The following COL28A1 variants were observed in gnomAD, a reference collection of about 807,000 sequenced individuals.
COL28A1 encodes the protein collagen type XXVIII alpha 1 chain, also known as collagen alpha-1(XXVIII) chain.
Under a neutral mutation model 150.2 loss-of-function variants are expected in COL28A1, and 161 were observed. The observed-to-expected ratio is 1.07, with a 90% CI of 0.94 to 1.22. The LOEUF (loss-of-function observed/expected upper bound fraction) is 1.22, where lower values mean the gene tolerates loss of function less well. COL28A1 is among the 50% of genes most tolerant of loss of function. The probability of loss-of-function intolerance (pLI) is 0.00; values close to 1 mark genes in which losing one functional copy is unlikely to be tolerated. For synonymous variants in COL28A1, 552 were observed against 469.7 expected (o/e 1.18, Z -2.26); for missense variants, 1,617 against 1,388.3 (o/e 1.16, Z -2.62).
At chr7:7,397,203 T>C (rs752463215) in intron 27 of COL28A1, among the ~76,000 whole-genome samples, 1 of 152,168 alleles carries the variant, frequency 6.6e-6, no homozygotes, top group African/African-American at 2.4e-5. Context: ...TCTATTTCCT[T>C]AATTTTTTCA....
chr7:7,443,535 T>C (rs1785980838), intron 20 of COL28A1, 50 bp downstream of exon 20: 2 of 1,606,754 alleles, frequency 1.2e-6, no homozygotes, highest in Non-Finnish European at 1.7e-6. Context: ...GGCTCCTCAG[T>C]ATGAGGACCA....
At chr7:7,429,726 A>G (rs748411559) in intron 25 of COL28A1, among the ~76,000 whole-genome samples, 17 of 152,166 alleles carry the variant, frequency 1.1e-4, no homozygotes, top group Non-Finnish European at 2.4e-4. Context: ...CACAATTTCC[A>G]TGGGAAGAGA....
At chr7:7,441,610 GT>G (rs1303748745) in intron 20 of COL28A1, among the ~76,000 whole-genome samples, 1 of 151,896 alleles carries the variant, frequency 6.6e-6, no homozygotes, top group Non-Finnish European at 1.5e-5. Flanking sequence ...GGTTTTTAAA[GT>G]TGAGCAACAG....
the COL28A1 span, among the ~76,000 whole-genome samples, chr7:7,339,464 T>C: frequency 6.6e-6 from 1 of 152,176 alleles, no homozygotes; most frequent in Non-Finnish European, 1.5e-5. Context: ...CTGTTTTGGC[T>C]TTCGTGCTGA....
chr7:7,373,176 A>G lies in COL28A1; in HGVS notation c.2730T>C (p.Arg910=), dbSNP rs1204346683. 3 of 1,613,972 alleles carry G rather than the reference A, an allele frequency of 1.9e-6. No individual in the cohort carries two copies. Among genetic ancestry groups the G allele is most frequent in the Non-Finnish European group, 2.5e-6 (3 of 1,180,028 alleles). The change falls in exon 32 of 35, where the codon CGT becomes CGC. Residue 910 remains arginine (R), a synonymous_variant. Transcript: ENST00000399429. This position sits in a 1 kb window ranked among gnomAD's most constrained non-coding sequence, Gnocchi z 4.1. ...CCACCTCTGTCAGTTTCTCTTTATCACGAGAATCTGTCTGTCCATCAGTGA... is the reference window on the plus strand; with the variant it reads ...CCACCTCTGTCAGTTTCTCTTTATCGCGAGAATCTGTCTGTCCATCAGTGA... The part of the protein sequence containing the change: ...LVITDGQTDS[R]DKEKLTEVVK...
Position 7,358,554 on chromosome 7 carries a change from A to T in COL28A1, c.*79T>A. Reference sequence around the variant, plus strand: ...AAATACTCAGTATACACTCAAATATAGTGCTGTATTTGTATTGGGTGAATA... The same window carrying T: ...AAATACTCAGTATACACTCAAATATTGTGCTGTATTTGTATTGGGTGAATA... On this transcript the variant is annotated 3_prime_UTR_variant, in exon 35 of 35. Transcript: ENST00000399429. 1 of 1,283,594 alleles carries T rather than the reference A, an allele frequency of 7.8e-7. No homozygotes were observed. Among genetic ancestry groups the T allele is most frequent in the East Asian group, 2.3e-5 (1 of 43,260 alleles). The allele number at this position is 1,283,594 out of a possible 1,614,324, so 79.5% of individuals were successfully genotyped here.
chr7:7,345,802 T>G, the COL28A1 span, among the ~76,000 whole-genome samples: 1 of 152,114 alleles, frequency 6.6e-6, no homozygotes, highest in Non-Finnish European at 1.5e-5. Flanking sequence ...TTTAGCAGCT[T>G]GACAATGATG....
intron 11 of COL28A1, among the ~76,000 whole-genome samples, chr7:7,491,970 AG>A (rs1170971242): frequency 2.6e-5 from 4 of 152,170 alleles, no homozygotes; most frequent in Non-Finnish European, 5.9e-5. Context: ...ATTTCCTTCC[AG>A]TTTTTTACAT....
At position 7,374,036 on chromosome 7, in the gene COL28A1, A is replaced by ATATAT. The variant is rs1281053510; in HGVS notation, c.2360-491_2360-490insATATA. Among the ~76,000 whole-genome samples the ATATAT allele has an allele frequency of 2.3e-3, 180 of 77,806 alleles. 1 individual carries two copies. Among genetic ancestry groups the ATATAT allele is most frequent in the South Asian group, 6.1e-3 (13 of 2,124 alleles). 51.0% of individuals were successfully genotyped at this position (77,806 alleles called of 152,430 possible). A position where few individuals can be genotyped will look rare whatever the true frequency, so the allele number is the denominator to read the frequency against. The stretch of plus-strand genomic sequence containing the variant: ...TATACTTGACTCTTAAAAAAAAAAA[A>ATATAT]AAATATATATATATATATATATATA... On this transcript the variant is annotated intron_variant, in intron 31 of 34. Coordinates refer to ENST00000399429, the MANE Select transcript of COL28A1 (RefSeq NM_001037763.3).
chr7:7,432,777 C>G, intron 23 of COL28A1, 77 bp from the exon 24 acceptor site: 2 of 1,057,668 alleles, frequency 1.9e-6, no homozygotes, highest in African/African-American at 1.6e-5. Context: ...ATAACACCAA[C>G]TCAATATGCC....
intron 3 of COL28A1, among the ~76,000 whole-genome samples, chr7:7,524,619 A>G (rs994996792): frequency 1.3e-5 from 2 of 152,236 alleles, no homozygotes; most frequent in Non-Finnish European, 2.9e-5. Flanking sequence ...GGCAGAATAT[A>G]TAATTGTATA....
In COL28A1 at chr7:7,417,942, G is replaced by C; in HGVS notation, c.2068-15C>G. On this transcript the variant is annotated splice_polypyrimidine_tract_variant and intron_variant, in intron 26 of 34. Coordinates refer to ENST00000399429, the MANE Select transcript of COL28A1 (RefSeq NM_001037763.3). Reference sequence around the variant, plus strand: ...CCAGTATCACCCTGTTAGAAGATGGGGAGAATTTGAAGACAAAATGTAAGA... The same window carrying C: ...CCAGTATCACCCTGTTAGAAGATGGCGAGAATTTGAAGACAAAATGTAAGA... The C allele has an allele frequency of 1.9e-6, 3 of 1,597,872 alleles. No individual in the cohort carries two copies. The highest frequency in any genetic ancestry group is 2.6e-6 in the Non-Finnish European group (3 of 1,172,944).
At chr7:7,340,179 A>T in the COL28A1 span, among the ~76,000 whole-genome samples, 2 of 151,972 alleles carry the variant, frequency 1.3e-5, no homozygotes, top group African/African-American at 2.4e-5. Context: ...TTTAGTAGAG[A>T]CAGGTTTCAC....
the COL28A1 span, among the ~76,000 whole-genome samples, chr7:7,543,124 A>G: frequency 7.2e-5 from 11 of 152,212 alleles, no homozygotes; most frequent in Non-Finnish European, 1.6e-4. Flanking sequence ...TATAAATTCT[A>G]TATAGCAAAC....
At chr7:7,433,137 T>C (rs1448321242) in intron 23 of COL28A1, among the ~76,000 whole-genome samples, 1 of 152,194 alleles carries the variant, frequency 6.6e-6, no homozygotes, top group African/African-American at 2.4e-5. Context: ...TTGTAAATAT[T>C]GTTTTACAGT....
intron 25 of COL28A1, among the ~76,000 whole-genome samples, chr7:7,424,819 G>A (rs1459165411): frequency 3.3e-5 from 5 of 151,928 alleles, no homozygotes; most frequent in African/African-American, 4.8e-5. Flanking sequence ...CACAGGAAAC[G>A]GCCAAATTCA....
At chr7:7,525,858 A>G (rs1781995627) in intron 3 of COL28A1, among the ~76,000 whole-genome samples, 1 of 152,178 alleles carries the variant, frequency 6.6e-6, no homozygotes, top group Non-Finnish European at 1.5e-5. Context: ...CTCCATATAT[A>G]AAAAAGGACA....
intron 33 of COL28A1, among the ~76,000 whole-genome samples, chr7:7,361,514 A>G (rs1427926739): frequency 6.6e-6 from 1 of 152,160 alleles, no homozygotes; most frequent in Non-Finnish European, 1.5e-5. Context: ...TTGTTTCCTG[A>G]CTTTTTAATG....
At chr7:7,505,928 T>C (rs548397888) in intron 11 of COL28A1, 86 bp downstream of exon 11, 16 of 799,594 alleles carry the variant, frequency 2.0e-5, no homozygotes, top group Admixed American at 1.3e-4. Flanking sequence ...AAAGAATCCA[T>C]TGACTTTTAC....
Sources: gnomAD v4.1 joint callset for allele counts (sites outside exome capture counted in the v4.1 genomes callset) on GRCh38, gnomAD v4.1.1 for gene constraint, Gnocchi (gnomAD v3.1) non-coding constraint, MANE v1.5 for transcripts, NCBI Gene and HGNC (gene_info 2026-07-23, HGNC 2026-07-21) for gene names.